RPS5: variants seen among roughly 807,000 people sequenced by gnomAD.
RPS5 encodes small ribosomal subunit protein uS7.
A neutral mutation model predicts 20.9 loss-of-function variants in RPS5; 2 were observed. That is an observed-to-expected ratio of 0.10 (90% CI 0.04 to 0.30). The LOEUF (loss-of-function observed/expected upper bound fraction) is 0.30. RPS5 is among the 10% of genes least tolerant of loss of function. The pLI, the probability that RPS5 is intolerant of heterozygous loss-of-function variation, is 1.00. For synonymous variants in RPS5, 112 were observed against 105.8 expected (o/e 1.06, Z -0.36); for missense variants, 122 against 287.2 (o/e 0.42, Z 4.16).
intron 2 of RPS5, among the ~76,000 whole-genome samples, chr19:58,389,781 C>T (rs61449428): frequency 0.084 from 12,771 of 151,724 alleles, 1,801 homozygotes; most frequent in African/African-American, 0.29. Flanking sequence ...AGATTACAGG[C>T]GCACACCACC....
intron 2 of RPS5, among the ~76,000 whole-genome samples, chr19:58,390,381 C>T (rs1248084981): frequency 6.7e-6 from 1 of 148,798 alleles, no homozygotes; most frequent in Non-Finnish European, 1.5e-5. Flanking sequence ...TCATTATAGG[C>T]CCAGATAATG....
chr19:58,394,590 G>A lies in RPS5; in HGVS notation c.541G>A (p.Ala181Thr). 6.2e-7 allele frequency: 1 copy of A among 1,614,144 alleles called. No individual in the cohort carries two copies. Among genetic ancestry groups the A allele is most frequent in the Non-Finnish European group, 8.5e-7 (1 of 1,179,992 alleles). Reference sequence around the variant, plus strand: ...CCTGGCAGATGAGCTCATCAATGCTGCCAAGGTGGGTGAGGGCACTCCGGT... The same window carrying A: ...CCTGGCAGATGAGCTCATCAATGCTACCAAGGTGGGTGAGGGCACTCCGGT... ...ECLADELINA[A>T]KGSSNSYAIK... The change falls in exon 5 of 6, where the codon GCC becomes ACC. Residue 181 changes from alanine to threonine, a missense_variant. This residue lies in a region of RPS5 where 8 missense variants were observed against 50.2 expected (regional missense o/e 0.16). Transcript: ENST00000196551.
intron 4 of RPS5, 71 bp from the exon 5 acceptor site, chr19:58,394,426 G>C: frequency 7.5e-7 from 1 of 1,341,310 alleles, no homozygotes; most frequent in Non-Finnish European, 1.1e-6. Flanking sequence ...GGCAGCATCA[G>C]TTGGGAGTGG....
At chr19:58,390,924 C>G (rs1319631076) in intron 2 of RPS5, among the ~76,000 whole-genome samples, 1 of 152,000 alleles carries the variant, frequency 6.6e-6, no homozygotes, top group Non-Finnish European at 1.5e-5. Context: ...TCCCATCATT[C>G]CTTGTATTTG....
At chr19:58,389,380 T>C (rs7252333) in intron 2 of RPS5, among the ~76,000 whole-genome samples, 69,882 of 151,784 alleles carry the variant, frequency 0.46, 16,533 homozygotes, top group African/African-American at 0.56. Flanking sequence ...TCAGGGGATC[T>C]TCCTGTCTTA....
chr19:58,389,586 G>A (rs919671007), intron 2 of RPS5, among the ~76,000 whole-genome samples: 1 of 151,936 alleles, frequency 6.6e-6, no homozygotes, highest in Non-Finnish European at 1.5e-5. Context: ...GGTTTATTTC[G>A]GGGGGTCCAA....
intron 2 of RPS5, 93 bp from the exon 3 acceptor site, chr19:58,392,883 C>A: frequency 8.3e-7 from 1 of 1,208,084 alleles, no homozygotes. Context: ...TGGACTACCC[C>A]GAATGGGTAC....
intron 2 of RPS5, among the ~76,000 whole-genome samples, chr19:58,390,222 C>G (rs2052353922): frequency 6.8e-6 from 1 of 148,020 alleles, no homozygotes; most frequent in Admixed American, 6.7e-5. Context: ...GAGACAGAGT[C>G]TCTCTCTGCC....
chr19:58,390,599 C>G (rs763971605), intron 2 of RPS5, among the ~76,000 whole-genome samples: 28 of 152,076 alleles, frequency 1.8e-4, no homozygotes, highest in Non-Finnish European at 2.8e-4. Flanking sequence ...CCACACCTGG[C>G]TAATTTTTGT....
At chr19:58,392,803 T>A (rs2052372370) in intron 2 of RPS5, among the ~76,000 whole-genome samples, 173 bp from the exon 3 acceptor site, 1 of 152,198 alleles carries the variant, frequency 6.6e-6, no homozygotes. Flanking sequence ...TTCAGGGTTT[T>A]TTTCCTCATG....
At chr19:58,393,937 G>A (rs1040766358) in intron 4 of RPS5, 14 of 175,530 alleles carry the variant, frequency 8.0e-5, no homozygotes, top group East Asian at 4.9e-4. Context: ...TTATAGTGGC[G>A]CATTGTCAAT....
At position 58,392,978 on chromosome 19, in the gene RPS5, T is replaced by C; in HGVS notation, c.111T>C (p.Asp37=). 6.2e-7 allele frequency: 1 copy of C among 1,613,328 alleles called. No homozygotes were observed. The highest frequency in any genetic ancestry group is 8.5e-7 in the Non-Finnish European group (1 of 1,179,414). Reference sequence around the variant, plus strand: ...TTTCCTGCTCCCTGCTGCCCCAGGATTACATTGCAGTGAAGGAGAAGTATG... The same window carrying C: ...TTTCCTGCTCCCTGCTGCCCCAGGACTACATTGCAGTGAAGGAGAAGTATG... The part of the protein sequence containing the change: ...DVQINDISLQ[D]YIAVKEKYAK... Residue 37 remains aspartate (D), a splice_region_variant and synonymous_variant, in exon 3 of 6, where the codon GAT becomes GAC. Coordinates refer to ENST00000196551, the MANE Select transcript of RPS5 (RefSeq NM_001009.4).
At chr19:58,392,842 G>T (rs919580333) in intron 2 of RPS5, 134 bp from the exon 3 acceptor site, 5 of 766,096 alleles carry the variant, frequency 6.5e-6, no homozygotes, top group Non-Finnish European at 1.1e-5. Context: ...CAAGTCCCCT[G>T]TTGAGGCATA....
rs181145116 is a variant in RPS5 at position 58,393,350 on chromosome 19, T to G, written c.319-9T>G. 1.8e-4 allele frequency: 285 copies of G among 1,613,190 alleles called. 4 individuals carry two copies. The South Asian group carries it at 2.7e-3, about 15-fold the overall frequency. On this transcript the variant is annotated splice_polypyrimidine_tract_variant and intron_variant, in intron 3 of 5. Coordinates refer to ENST00000196551, the MANE Select transcript of RPS5 (RefSeq NM_001009.4). ...CTGGATGTCAGGCTCATATCCCCCTTCTCTCTAGAACCCTCTGCAGGTCCT... is the reference window on the plus strand; with the variant it reads ...CTGGATGTCAGGCTCATATCCCCCTGCTCTCTAGAACCCTCTGCAGGTCCT...
At chr19:58,393,805 C>T (rs1461920265) in intron 4 of RPS5, 2 of 290,856 alleles carry the variant, frequency 6.9e-6, no homozygotes, top group Non-Finnish European at 1.3e-5. Flanking sequence ...TCCCTGAACA[C>T]TGCAGGTGTC....
At chr19:58,387,455 T>C (rs1008366846) in intron 1 of RPS5, 116 bp downstream of exon 1, 1 of 152,336 alleles carries the variant, frequency 6.6e-6, no homozygotes, top group East Asian at 1.9e-4. Flanking sequence ...GAAAAGAAAA[T>C]GTAGAAGAAA....
At chr19:58,392,636 A>AG (rs2122163364) in intron 2 of RPS5, among the ~76,000 whole-genome samples, 1 of 151,894 alleles carries the variant, frequency 6.6e-6, no homozygotes, top group Non-Finnish European at 1.5e-5. Context: ...AAAAAACTGA[A>AG]GGGGTTGCCA....
chr19:58,388,832 A>T (rs942657834), intron 2 of RPS5, among the ~76,000 whole-genome samples: 4 of 151,356 alleles, frequency 2.6e-5, no homozygotes, highest in African/African-American at 9.7e-5. Context: ...GGTTTCACCG[A>T]GTTAGCCAGG....
Position 58,393,472 on chromosome 19 carries a change from G to A in RPS5, c.432G>A (p.Leu144=). 6.2e-7 allele frequency: 1 copy of A among 1,612,030 alleles called. No homozygotes were observed. Among genetic ancestry groups the A allele is most frequent in the Non-Finnish European group, 8.5e-7 (1 of 1,179,912 alleles). ...VRRQAVDVSP[L]RRVNQAIWLL... is the part of the protein sequence containing the mutation. ...GACAGGCTGTGGATGTGTCCCCCCTGCGCCGTGTGAACCAGGTGAGCCTGG... is the reference window on the plus strand; with the variant it reads ...GACAGGCTGTGGATGTGTCCCCCCTACGCCGTGTGAACCAGGTGAGCCTGG... Residue 144 remains leucine (L), a synonymous_variant, in exon 4 of 6, where the codon CTG becomes CTA. Transcript: ENST00000196551.
Sources: gnomAD v4.1 joint callset for allele counts (sites outside exome capture counted in the v4.1 genomes callset) on GRCh38, gnomAD v4.1.1 for gene constraint, gnomAD v4.1.1 regional missense constraint, MANE v1.5 for transcripts, NCBI Gene and HGNC (gene_info 2026-07-23, HGNC 2026-07-21) for gene names.